The following DYNC1LI1 variants were observed in gnomAD, a reference collection of about 807,000 sequenced individuals.
DYNC1LI1 encodes the protein dynein cytoplasmic 1 light intermediate chain 1.
A neutral mutation model predicts 63.8 loss-of-function variants in DYNC1LI1; 19 were observed. The ratio of observed to expected loss-of-function variants is 0.30; its 90% CI spans 0.21 to 0.44. DYNC1LI1 has a LOEUF of 0.44. DYNC1LI1 is among the 20% of genes least tolerant of loss of function. The probability of loss-of-function intolerance (pLI) is 1.00; values close to 1 mark genes in which losing one functional copy is unlikely to be tolerated. For missense variants in DYNC1LI1, 565 were observed against 630.2 expected (o/e 0.90, Z 1.11); for synonymous variants, 225 against 232.3 (o/e 0.97, Z 0.28).
intron 12 of DYNC1LI1, among the ~76,000 whole-genome samples, chr3:32,527,407 G>GT (rs554140925): frequency 0.083 from 12,192 of 147,088 alleles, 554 homozygotes; most frequent in Middle Eastern, 0.15. Context: ...TCTCATAAAG[G>GT]TTTTTTTTTT....
Position 32,570,351 on chromosome 3 carries a change from A to G in DYNC1LI1, c.215T>C (p.Leu72Pro). The G allele has an allele frequency of 6.2e-7, 1 of 1,600,920 alleles. No individual in the cohort carries two copies. Among genetic ancestry groups the G allele is most frequent in the Non-Finnish European group, 8.5e-7 (1 of 1,174,228 alleles). Residue 72 changes from leucine to proline, a missense_variant, in exon 2 of 13, where the codon CTG (leucine) becomes CCG (proline). By Grantham distance (98) the Leu-to-Pro change is moderately conservative. Coordinates refer to ENST00000273130, the MANE Select transcript of DYNC1LI1 (RefSeq NM_016141.4). ...GCGAGGCAGGGAACACTTACCCAGC[A>G]GTAGCACGTTCTTCCCCGCAGGGAG... ...SKLPAGKNVL[L>P]LGEDGAGKTS...
intron 5 of DYNC1LI1, among the ~76,000 whole-genome samples, chr3:32,537,672 G>A (rs1697792953): frequency 6.6e-6 from 1 of 150,600 alleles, no homozygotes; most frequent in South Asian, 2.1e-4. Context: ...TACAATCAAT[G>A]AGACAATTCT....
chr3:32,533,203 A>G, intron 7 of DYNC1LI1, 106 bp from the exon 8 acceptor site: 5 of 1,393,440 alleles, frequency 3.6e-6, no homozygotes, highest in East Asian at 2.9e-5. Context: ...AATTTGAACA[A>G]TTATGGAAAA....
intron 2 of DYNC1LI1, among the ~76,000 whole-genome samples, chr3:32,550,448 A>C (rs1018092318): frequency 4.6e-5 from 7 of 152,198 alleles, no homozygotes; most frequent in Non-Finnish European, 7.3e-5. Context: ...AACAAACAAA[A>C]AAACAAAACT....
chr3:32,530,683 A>G, intron 8 of DYNC1LI1, 163 bp from the exon 9 acceptor site: 1 of 618,252 alleles, frequency 1.6e-6, no homozygotes, highest in South Asian at 2.1e-5. Context: ...CAAGGCCTTC[A>G]GCAGAGGTGT....
intron 2 of DYNC1LI1, among the ~76,000 whole-genome samples, chr3:32,562,674 A>C (rs1335193203): frequency 6.6e-6 from 1 of 152,204 alleles, no homozygotes; most frequent in African/African-American, 2.4e-5. Context: ...CTGGCAAGAA[A>C]CATGCATTAC....
chr3:32,547,542 ATGG>A (rs1697972613), intron 2 of DYNC1LI1, among the ~76,000 whole-genome samples: 1 of 152,134 alleles, frequency 6.6e-6, no homozygotes, highest in African/African-American at 2.4e-5. Context: ...CACCTCTGCA[ATGG>A]TGTTTATAAT....
chr3:32,539,955 C>T (rs543209678), intron 5 of DYNC1LI1, among the ~76,000 whole-genome samples: 2 of 151,726 alleles, frequency 1.3e-5, no homozygotes, highest in South Asian at 4.2e-4. Context: ...AGCTCCACCT[C>T]CCGAGTACAT....
At chr3:32,559,048 A>G (rs1022158625) in intron 2 of DYNC1LI1, among the ~76,000 whole-genome samples, 2 of 148,220 alleles carry the variant, frequency 1.3e-5, no homozygotes, top group African/African-American at 5.0e-5. Flanking sequence ...ATTATCATCC[A>G]TTACTACTAC....
chr3:32,548,149 T>C (rs557371718), intron 2 of DYNC1LI1, among the ~76,000 whole-genome samples: 1 of 152,008 alleles, frequency 6.6e-6, no homozygotes, highest in Non-Finnish European at 1.5e-5. Flanking sequence ...CCCAACCCAC[T>C]GGGCTGTGGA....
chr3:32,543,901 C>CA (rs1402553613), intron 4 of DYNC1LI1, among the ~76,000 whole-genome samples: 1 of 148,128 alleles, frequency 6.8e-6, no homozygotes, highest in Non-Finnish European at 1.5e-5. Flanking sequence ...CCTATGTCTA[C>CA]AAAAAATAAA....
chr3:32,549,742 T>C (rs143751739), intron 2 of DYNC1LI1, among the ~76,000 whole-genome samples: 1,671 of 152,310 alleles, frequency 0.011, 8 homozygotes, highest in South Asian at 0.032. Flanking sequence ...ACTACCTTGA[T>C]TGAGCCATCC....
intron 2 of DYNC1LI1, among the ~76,000 whole-genome samples, chr3:32,552,721 C>T (rs146496709): frequency 1.0e-3 from 157 of 152,020 alleles, no homozygotes; most frequent in African/African-American, 3.5e-3. Flanking sequence ...TTGTTGTTGT[C>T]GTTGAGACGG....
intron 2 of DYNC1LI1, 50 bp from the exon 3 acceptor site, chr3:32,546,015 T>C (rs771344147): frequency 7.8e-6 from 10 of 1,283,518 alleles, no homozygotes; most frequent in Non-Finnish European, 1.1e-5. Context: ...CACCGATTAT[T>C]TAAGGATGCT....
At position 32,545,855 on chromosome 3, in the gene DYNC1LI1, T is replaced by C; in HGVS notation, c.331A>G (p.Arg111Gly). The change falls in exon 3 of 13, where the codon AGG (arginine) becomes GGG (glycine). Residue 111 changes from arginine (R) to glycine (G), a missense_variant. By Grantham distance (125) the Arg-to-Gly change is moderately radical (BLOSUM62 -2). Transcript: ENST00000273130. ...TGTTACAAATGACACTCACCATCCCTGTCTTCATCATGCACATTTAAGTAC... is the reference window on the plus strand; with the variant it reads ...TGTTACAAATGACACTCACCATCCCCGTCTTCATCATGCACATTTAAGTAC... ...YLYLNVHDED[R>G]DDQTRCNVWI... 1 of 1,596,254 alleles carries C rather than the reference T, an allele frequency of 6.3e-7. No individual in the cohort carries two copies. Among genetic ancestry groups the C allele is most frequent in the East Asian group, 2.2e-5 (1 of 44,740 alleles).
Position 32,537,625 on chromosome 3 carries a change from A to G in DYNC1LI1, c.739-521T>C, listed in dbSNP as rs557522050. On this transcript the variant is annotated intron_variant, in intron 5 of 12. Transcript: ENST00000273130. ...TTATTACAATCTCACTAATAACAAA[A>G]TAAGGAAACTACAACTGATTTTTGA... Among the ~76,000 whole-genome samples, 51 of 151,574 alleles carry G rather than the reference A, an allele frequency of 3.4e-4. 1 individual carries two copies. The South Asian group carries it at 0.01, about 30-fold the overall frequency.
At chr3:32,546,798 G>A (rs1697960854) in intron 2 of DYNC1LI1, among the ~76,000 whole-genome samples, 1 of 152,242 alleles carries the variant, frequency 6.6e-6, no homozygotes, top group African/African-American at 2.4e-5. Context: ...CGTAGCAGGA[G>A]AGATGGTGAG....
At chr3:32,532,485 G>GTATATATATATGTATGTATATA (rs1292389896) in intron 8 of DYNC1LI1, 1 of 122,276 alleles carries the variant, frequency 8.2e-6, no homozygotes, top group African/African-American at 2.9e-5. Context: ...AAAAAAATGT[G>GTATATATATATGTATGTATATA]TGTATATATA....
intron 6 of DYNC1LI1, among the ~76,000 whole-genome samples, chr3:32,536,060 T>C (rs1173699483): frequency 1.3e-5 from 2 of 152,184 alleles, no homozygotes; most frequent in African/African-American, 4.8e-5. Flanking sequence ...CTCAGCCATT[T>C]GGTGACATGA....
Sources: allele counts gnomAD v4.1 joint callset (sites outside exome capture counted in the v4.1 genomes callset), GRCh38; gene constraint gnomAD v4.1.1; transcripts MANE v1.5; gene names NCBI Gene and HGNC (gene_info 2026-07-23, HGNC 2026-07-21).